IP6K1: variants seen among roughly 807,000 people sequenced by gnomAD.
IP6K1 encodes inositol hexakisphosphate kinase 1.
In IP6K1, 13 loss-of-function variants were observed where a neutral mutation model predicts 38.3. The observed-to-expected ratio is 0.34, with a 90% CI of 0.22 to 0.54. The LOEUF is 0.54. Among genes scored for constraint, IP6K1 ranks in the 20% least tolerant of loss-of-function variants. The probability of loss-of-function intolerance (pLI) is 0.92; values close to 1 mark genes in which losing one functional copy is unlikely to be tolerated. For missense variants in IP6K1, 397 were observed against 599.8 expected, an observed-to-expected ratio of 0.66 and a Z score of 3.53; for synonymous variants, 212 against 229.9, an observed-to-expected ratio of 0.92 and a Z score of 0.70.
intron 1 of IP6K1, among the ~76,000 whole-genome samples, chr3:49,774,407 C>CAAAAAAAAAAAAAAAAAAA: frequency 2.3e-5 from 1 of 44,284 alleles, no homozygotes; most frequent in Non-Finnish European, 4.7e-5. Context: ...GACTCCATCT[C>CAAAAAAAAAAAAAAAAAAA]AAAAAAAAAA....
At chr3:49,771,188 C>CAAAAAA (rs35601566) in intron 1 of IP6K1, among the ~76,000 whole-genome samples, 74 of 72,236 alleles carry the variant, frequency 1.0e-3, no homozygotes, top group Non-Finnish European at 1.2e-3. Flanking sequence ...AACTCAGTAA[C>CAAAAAA]AAAAAAAAAA....
intron 1 of IP6K1, among the ~76,000 whole-genome samples, chr3:49,752,996 G>A (rs1296674244): frequency 6.6e-6 from 1 of 151,956 alleles, no homozygotes; most frequent in Non-Finnish European, 1.5e-5. Flanking sequence ...CTGACCTCAA[G>A]ATGACCTGCC....
intron 1 of IP6K1, among the ~76,000 whole-genome samples, chr3:49,753,980 TGAG>T (rs1396277615): frequency 6.6e-6 from 1 of 151,914 alleles, no homozygotes; most frequent in African/African-American, 2.4e-5. Flanking sequence ...AGACAGCCTA[TGAG>T]GAGGAGAATT....
At chr3:49,739,106 A>T (rs2080642336) in intron 2 of IP6K1, among the ~76,000 whole-genome samples, 1 of 152,196 alleles carries the variant, frequency 6.6e-6, no homozygotes, top group South Asian at 2.1e-4. Flanking sequence ...AATACAATTT[A>T]AAAATACATA....
chr3:49,766,969 AAAAAAAAAAAAAAAAAAAG>A (rs1156936357), intron 1 of IP6K1, among the ~76,000 whole-genome samples: 5 of 149,968 alleles, frequency 3.3e-5, no homozygotes, highest in Non-Finnish European at 7.4e-5. Context: ...AAAAAAAAAA[AAAAAAAAAAAAAAAAAAAG>A]AAAGAAATCC....
chr3:49,741,016 T>C (rs2080663861), intron 2 of IP6K1, among the ~76,000 whole-genome samples: 1 of 152,114 alleles, frequency 6.6e-6, no homozygotes, highest in Non-Finnish European at 1.5e-5. Context: ...GCTCGGCTAC[T>C]TTTTGTATTT....
chr3:49,765,947 C>T (rs1575323094), intron 1 of IP6K1, among the ~76,000 whole-genome samples: 1 of 151,684 alleles, frequency 6.6e-6, no homozygotes, highest in Non-Finnish European at 1.5e-5. Context: ...GAGGCCGAAG[C>T]GGGCAGATGA....
intron 2 of IP6K1, among the ~76,000 whole-genome samples, chr3:49,743,320 C>T (rs1238628047): frequency 1.3e-5 from 2 of 151,542 alleles, no homozygotes; most frequent in Admixed American, 1.3e-4. Flanking sequence ...CACCTGTGAT[C>T]CCAGCTACTT....
chr3:49,736,770 ATTTTTT>A (rs71080546), intron 3 of IP6K1, among the ~76,000 whole-genome samples: 1 of 108,794 alleles, frequency 9.2e-6, no homozygotes, highest in Admixed American at 9.9e-5. Context: ...TTTGGATTTA[ATTTTTT>A]TTTTTTTTTT....
At position 49,748,285 on chromosome 3, in the gene IP6K1, G is replaced by C. The variant is rs1180199633; in HGVS notation, c.-128-117C>G. On this transcript the variant is annotated intron_variant, in intron 1 of 5. Transcript: ENST00000321599. ...TTGTTCCCTACTATGTGTATCCCTA[G>C]CACGTACAATACTACGTGGCACATG... is the stretch of plus-strand genomic sequence containing the variant. The C allele has an allele frequency of 1.7e-5, 9 of 540,992 alleles. No individual in the cohort carries two copies. In the Admixed American group the frequency reaches 2.8e-4, roughly 17 times the overall value. The allele number at this position is 540,992 out of a possible 1,614,324, so 33.5% of individuals were successfully genotyped here.
intron 2 of IP6K1, among the ~76,000 whole-genome samples, chr3:49,740,708 T>C (rs2080659133): frequency 6.6e-6 from 1 of 152,208 alleles, no homozygotes; most frequent in African/African-American, 2.4e-5. Flanking sequence ...GGCTCAATAG[T>C]ATTCCATTGT....
intron 2 of IP6K1, among the ~76,000 whole-genome samples, 193 bp downstream of exon 2, chr3:49,747,625 A>C (rs1032984135): frequency 6.6e-6 from 1 of 152,226 alleles, no homozygotes; most frequent in Non-Finnish European, 1.5e-5. Context: ...TTTACCTATT[A>C]ATAAATTCAA....
Position 49,762,940 on chromosome 3 carries a change from T to C in IP6K1, c.-128-14772A>G, listed in dbSNP as rs375208890. On this transcript the variant is annotated intron_variant, in intron 1 of 5. Coordinates refer to ENST00000321599, the MANE Select transcript of IP6K1 (RefSeq NM_153273.4). ...GAGCGCACAACCACGCCCAGCTAAT[T>C]TGTGTATTTTTAGTAGAGACGGGGT... Among the ~76,000 whole-genome samples, 17 of 151,828 alleles carry C rather than the reference T, an allele frequency of 1.1e-4. No individual in the cohort carries two copies. In the East Asian group the frequency reaches 2.3e-3, roughly 21 times the overall value.
At chr3:49,775,751 A>G in intron 1 of IP6K1, 1 of 327,648 alleles carries the variant, frequency 3.1e-6, no homozygotes. Context: ...CAGCTTACCA[A>G]CCCTCCCCTC....
chr3:49,775,592 A>G, intron 1 of IP6K1: 1 of 958,926 alleles, frequency 1.0e-6, no homozygotes, highest in Non-Finnish European at 1.5e-6. Flanking sequence ...AACACAAAAA[A>G]ATGCAGCTTC....
intron 2 of IP6K1, among the ~76,000 whole-genome samples, chr3:49,741,695 TG>T (rs1377360009): frequency 9.9e-5 from 15 of 152,220 alleles, no homozygotes; most frequent in African/African-American, 3.6e-4. Context: ...TTCAAAACAC[TG>T]AAGGCCAAAC....
chr3:49,756,864 C>G (rs1339887016), intron 1 of IP6K1, among the ~76,000 whole-genome samples: 1 of 140,902 alleles, frequency 7.1e-6, no homozygotes, highest in Non-Finnish European at 1.6e-5. Flanking sequence ...AAAGGAGAAA[C>G]AAAGGTGCTG....
intron 1 of IP6K1, among the ~76,000 whole-genome samples, chr3:49,765,520 C>T (rs1044992136): frequency 2.7e-5 from 4 of 149,116 alleles, no homozygotes; most frequent in Non-Finnish European, 1.5e-5. Context: ...CATGGTGGCA[C>T]GTGCCTGTAA....
chr3:49,781,751 T>C (rs772846499), intron 1 of IP6K1, among the ~76,000 whole-genome samples: 1 of 152,056 alleles, frequency 6.6e-6, no homozygotes, highest in Non-Finnish European at 1.5e-5. Context: ...CAGTTCCTGA[T>C]TTCAGTGCAG....
Sources: allele counts gnomAD v4.1 joint callset (sites outside exome capture counted in the v4.1 genomes callset), GRCh38; gene constraint gnomAD v4.1.1; transcripts MANE v1.5; gene names NCBI Gene and HGNC (gene_info 2026-07-23, HGNC 2026-07-21).